The following MDGA2 variants were observed in gnomAD, a reference collection of about 807,000 sequenced individuals.
The protein encoded by MDGA2 is MAM domain containing glycosylphosphatidylinositol anchor 2, also known as MAM domain-containing glycosylphosphatidylinositol anchor protein 2.
In MDGA2, 40 loss-of-function variants were observed where a neutral mutation model predicts 117.8. That is an observed-to-expected ratio of 0.34 (90% CI 0.26 to 0.44). The LOEUF is 0.44. MDGA2 is among the 20% of genes least tolerant of loss of function. The probability of loss-of-function intolerance (pLI) is 1.00; values close to 1 mark genes in which losing one functional copy is unlikely to be tolerated. For missense variants in MDGA2, 1,123 were observed against 1,250.6 expected, an observed-to-expected ratio of 0.90 and a Z score of 1.54; for synonymous variants, 452 against 439.0, an observed-to-expected ratio of 1.03 and a Z score of -0.37.
chr14:47,611,576 T>C (rs752101255), intron 1 of MDGA2, among the ~76,000 whole-genome samples: 11 of 151,978 alleles, frequency 7.2e-5, no homozygotes, highest in Non-Finnish European at 1.3e-4. Flanking sequence ...CAAAAGAAGA[T>C]ATACAAATGG....
intron 3 of MDGA2, among the ~76,000 whole-genome samples, chr14:47,213,449 C>G (rs1885958955): frequency 6.6e-6 from 1 of 151,950 alleles, no homozygotes; most frequent in Non-Finnish European, 1.5e-5. Context: ...GTTAAGGATC[C>G]AGTGGTAGCT....
intron 7 of MDGA2, among the ~76,000 whole-genome samples, chr14:47,051,969 T>C (rs1283321013): frequency 1.3e-5 from 2 of 151,896 alleles, no homozygotes; most frequent in African/African-American, 4.8e-5. Context: ...CTTGGTATTA[T>C]AGCCTTAAAA....
At chr14:47,001,346 T>C (rs947731893) in intron 8 of MDGA2, among the ~76,000 whole-genome samples, 1 of 152,004 alleles carries the variant, frequency 6.6e-6, no homozygotes, top group Non-Finnish European at 1.5e-5. Context: ...TTCTGTAAAA[T>C]AGGTGTTCAT....
In MDGA2 at chr14:47,642,636, C is replaced by A. The variant is rs551805205; in HGVS notation, c.280+31881G>T. Reference sequence around the variant, plus strand: ...GAAGTACTAGAGTCCTCAATTCTACCAGCCCTATCTATGTATCTATCTATC... The same window carrying A: ...GAAGTACTAGAGTCCTCAATTCTACAAGCCCTATCTATGTATCTATCTATC... On this transcript the variant is annotated intron_variant, in intron 1 of 16. Transcript: ENST00000399232. Among the ~76,000 whole-genome samples, 4 of 151,232 alleles carry A rather than the reference C, an allele frequency of 2.6e-5. No homozygotes were observed. In the South Asian group the frequency reaches 8.3e-4, roughly 32 times the overall value.
At chr14:47,061,105 T>G (rs949140472) in intron 7 of MDGA2, 144 bp downstream of exon 7, 9 of 638,914 alleles carry the variant, frequency 1.4e-5, no homozygotes, top group Non-Finnish European at 2.4e-5. Context: ...AACCTAGTAT[T>G]CATTGAGCAT....
At chr14:47,239,656 C>T (rs1405668545) in intron 2 of MDGA2, among the ~76,000 whole-genome samples, 2 of 151,774 alleles carry the variant, frequency 1.3e-5, no homozygotes, top group Non-Finnish European at 2.9e-5. Context: ...TTTACTATTA[C>T]ATTTCAATAA....
intron 10 of MDGA2, among the ~76,000 whole-genome samples, chr14:46,908,436 T>C (rs965799754): frequency 6.6e-6 from 1 of 152,262 alleles, no homozygotes; most frequent in African/African-American, 2.4e-5. Context: ...AAAATAATTA[T>C]TTAAGTAAGC....
intron 1 of MDGA2, among the ~76,000 whole-genome samples, chr14:47,407,681 G>A (rs995992980): frequency 6.6e-6 from 1 of 152,100 alleles, no homozygotes; most frequent in African/African-American, 2.4e-5. Context: ...GAATTTCCAT[G>A]TGTTAATTAT....
At chr14:47,521,536 T>C (rs554157723) in intron 1 of MDGA2, among the ~76,000 whole-genome samples, 1 of 152,140 alleles carries the variant, frequency 6.6e-6, no homozygotes, top group Non-Finnish European at 1.5e-5. Context: ...TAATAATTTG[T>C]CCAAAGCACC....
chr14:47,265,955 T>C (rs1887952190), intron 2 of MDGA2, among the ~76,000 whole-genome samples: 2 of 152,142 alleles, frequency 1.3e-5, no homozygotes, highest in Non-Finnish European at 2.9e-5. Flanking sequence ...AAATCTTTAC[T>C]ACTATTATTA....
intron 3 of MDGA2, among the ~76,000 whole-genome samples, chr14:47,201,261 G>A (rs889893054): frequency 6.6e-6 from 1 of 152,040 alleles, no homozygotes; most frequent in Non-Finnish European, 1.5e-5. Flanking sequence ...TTCAATATCC[G>A]CATCAATCCA....
At chr14:46,852,520 T>TA (rs1443259423) in intron 15 of MDGA2, among the ~76,000 whole-genome samples, 1 of 151,346 alleles carries the variant, frequency 6.6e-6, no homozygotes, top group African/African-American at 2.4e-5. Context: ...GAGAGAGAAA[T>TA]AGAGCACTGC....
At chr14:47,479,211 T>C (rs1253908063) in intron 1 of MDGA2, among the ~76,000 whole-genome samples, 2 of 152,102 alleles carry the variant, frequency 1.3e-5, no homozygotes, top group East Asian at 3.9e-4. Context: ...AATCTGAACA[T>C]AACTGCTTAA....
intron 1 of MDGA2, among the ~76,000 whole-genome samples, chr14:47,495,604 T>G (rs28406518): frequency 0.077 from 11,783 of 152,228 alleles, 521 homozygotes; most frequent in Middle Eastern, 0.11. Flanking sequence ...GCAGTTTTAT[T>G]TACTCCTCGT....
At chr14:47,232,881 T>C (rs575496847) in intron 2 of MDGA2, among the ~76,000 whole-genome samples, 6 of 152,124 alleles carry the variant, frequency 3.9e-5, no homozygotes, top group African/African-American at 4.8e-5. Flanking sequence ...TAGGAGGGCA[T>C]TGGTAACTAA....
At chr14:47,067,885 T>C in intron 6 of MDGA2, among the ~76,000 whole-genome samples, 1 of 152,202 alleles carries the variant, frequency 6.6e-6, no homozygotes. Context: ...GGGAGGTCTT[T>C]TAAATTTTTT....
intron 3 of MDGA2, among the ~76,000 whole-genome samples, chr14:47,217,702 C>T (rs1275631556): frequency 6.6e-6 from 1 of 151,798 alleles, no homozygotes; most frequent in Non-Finnish European, 1.5e-5. Flanking sequence ...TATAAAAATG[C>T]ATGTATATCT....
intron 14 of MDGA2, among the ~76,000 whole-genome samples, chr14:46,868,040 A>C (rs536502017): frequency 6.6e-6 from 1 of 152,012 alleles, no homozygotes; most frequent in Non-Finnish European, 1.5e-5. Context: ...CAGAAGCAAA[A>C]GAATCTAGTT....
chr14:47,066,795 C>T (rs1028618454), intron 6 of MDGA2, among the ~76,000 whole-genome samples: 7 of 151,942 alleles, frequency 4.6e-5, no homozygotes, highest in African/African-American at 1.7e-4. Context: ...TTTGCTAAAA[C>T]CTGTTTCAGA....
Sources: gnomAD v4.1 joint callset for allele counts (sites outside exome capture counted in the v4.1 genomes callset) on GRCh38, gnomAD v4.1.1 for gene constraint, MANE v1.5 for transcripts, NCBI Gene and HGNC (gene_info 2026-07-23, HGNC 2026-07-21) for gene names.